PGM3: variants seen among roughly 807,000 people sequenced by gnomAD.
PGM3 encodes the protein phosphoglucomutase 3, also known as phosphoacetylglucosamine mutase.
PGM3 carries 40 observed loss-of-function variants against 66.2 expected under a neutral mutation model. The observed-to-expected ratio is 0.60, with a 90% CI of 0.47 to 0.79. PGM3 has a LOEUF of 0.79. PGM3 is among the 30% of genes least tolerant of loss of function. PGM3 has a pLI of 0.00. For missense variants in PGM3, 537 were observed against 643.4 expected, an observed-to-expected ratio of 0.83 and a Z score of 1.79; for synonymous variants, 191 against 224.2, an observed-to-expected ratio of 0.85 and a Z score of 1.32.
chr6:83,155,413 A>T, the PGM3 span, among the ~76,000 whole-genome samples: 1 of 152,132 alleles, frequency 6.6e-6, no homozygotes, highest in Non-Finnish European at 1.5e-5. Context: ...GTGAGCCATG[A>T]TTGTGCCCAC....
At chr6:83,172,552 G>A (rs916369911) in intron 10 of PGM3, among the ~76,000 whole-genome samples, 17 of 151,968 alleles carry the variant, frequency 1.1e-4, no homozygotes, top group African/African-American at 3.6e-4. Context: ...CCATCTACTC[G>A]GGAGGCTGAG....
intron 2 of PGM3, among the ~76,000 whole-genome samples, chr6:83,189,700 C>T (rs914232445): frequency 4.6e-5 from 7 of 152,122 alleles, no homozygotes; most frequent in Admixed American, 3.3e-4. Context: ...TAAAGAATAA[C>T]TACATTGTGT....
chr6:83,161,505 A>G (rs898142920), downstream of PGM3, among the ~76,000 whole-genome samples: 3 of 152,208 alleles, frequency 2.0e-5, no homozygotes, highest in African/African-American at 7.2e-5. Context: ...TTCGATGTAT[A>G]TGACAAAAGT....
At chr6:83,152,620 CT>C in the PGM3 span, among the ~76,000 whole-genome samples, 208 of 133,834 alleles carry the variant, frequency 1.6e-3, no homozygotes, top group African/African-American at 1.9e-3. Context: ...TTTTCTTTTT[CT>C]TTTTTTTTTT....
intron 10 of PGM3, among the ~76,000 whole-genome samples, chr6:83,173,855 G>A (rs1787531530): frequency 6.6e-6 from 1 of 152,078 alleles, no homozygotes; most frequent in Middle Eastern, 3.2e-3. Context: ...TCCTGCCTCA[G>A]CCTCCCGAGT....
chr6:83,153,758 A>T, the PGM3 span: 1 of 1,170,460 alleles, frequency 8.5e-7, no homozygotes, highest in Non-Finnish European at 1.2e-6. Flanking sequence ...AAAAATTCAT[A>T]TATTATTTTT....
the PGM3 span, among the ~76,000 whole-genome samples, chr6:83,150,194 G>T: frequency 5.3e-5 from 8 of 152,164 alleles, no homozygotes; most frequent in African/African-American, 1.7e-4. Flanking sequence ...GGCAACATAG[G>T]GAGACTGTGT....
intron 7 of PGM3, 67 bp downstream of exon 7, chr6:83,179,743 T>C: frequency 1.6e-6 from 2 of 1,243,776 alleles, no homozygotes; most frequent in East Asian, 2.4e-5. Context: ...TGACAAATGA[T>C]TGTAAAATAT....
chr6:83,188,491 T>C (rs1788770780), intron 3 of PGM3, 123 bp downstream of exon 3: 3 of 723,710 alleles, frequency 4.1e-6, no homozygotes, highest in African/African-American at 3.5e-5. Flanking sequence ...GCCAGGCAGG[T>C]AGACATGCAA....
At chr6:83,183,131 TA>T (rs1788318845) in intron 4 of PGM3, among the ~76,000 whole-genome samples, 153 bp from the exon 5 acceptor site, 1 of 152,122 alleles carries the variant, frequency 6.6e-6, no homozygotes, top group Admixed American at 6.5e-5. Flanking sequence ...AAAAGAAATA[TA>T]AATGACTATA....
chr6:83,180,037 C>G (rs1788063004), intron 6 of PGM3, 70 bp from the exon 7 acceptor site: 2 of 1,202,358 alleles, frequency 1.7e-6, no homozygotes, highest in Non-Finnish European at 2.3e-6. Context: ...AGAATTTTCT[C>G]TTAAAATTAT....
intron 11 of PGM3, chr6:83,170,747 C>G (rs888892317): frequency 3.2e-5 from 9 of 285,478 alleles, no homozygotes; most frequent in Non-Finnish European, 5.9e-5. Context: ...ATGACTAAGT[C>G]CCATATCACA....
intron 11 of PGM3, 143 bp downstream of exon 11, chr6:83,171,794 C>G: frequency 1.5e-6 from 1 of 653,384 alleles, no homozygotes. Context: ...GCGCTTGGCC[C>G]ATAAGGCCTT....
chr6:83,168,412 GT>G lies in PGM3; in HGVS notation c.*821del. On this transcript the variant is annotated 3_prime_UTR_variant, in exon 13 of 13. Coordinates refer to ENST00000513973, the MANE Select transcript of PGM3 (RefSeq NM_015599.3). ...TATATATACACATGTAAAGTCCATT[GT>G]TTTTATTGTCCTGAGTTGTCTTAAA... 6 of 1,202,444 alleles carry G rather than the reference GT, an allele frequency of 5.0e-6. No individual in the cohort carries two copies. The South Asian group carries it at 1.6e-4, about 32-fold the overall frequency. The allele number at this position is 1,202,444 out of a possible 1,614,324, so 74.5% of individuals were successfully genotyped here.
rs545444504 is a variant in PGM3 at position 83,188,403 on chromosome 6, G to C, written c.389+211C>G. On this transcript the variant is annotated intron_variant, in intron 3 of 12. Transcript: ENST00000513973. ...ACATTATTCTGCAGCTTGGGTTTTG[G>C]AGTAGGGTTTTAAACCAGAGTCAGA... The C allele has an allele frequency of 4.5e-5, 21 of 463,834 alleles. 1 individual carries two copies. The highest frequency in any genetic ancestry group is 7.3e-5 in the Non-Finnish European group (19 of 261,236). The allele number at this position is 463,834 out of a possible 1,614,324, so 28.7% of individuals were successfully genotyped here.
chr6:83,179,703 G>T (rs954519044), intron 7 of PGM3, 107 bp downstream of exon 7: 2 of 833,454 alleles, frequency 2.4e-6, no homozygotes, highest in Non-Finnish European at 3.7e-6. Context: ...GCCCACTAAT[G>T]TAAAGAATTT....
In PGM3 at chr6:83,169,213, T is replaced by C. The variant is rs1363354696; in HGVS notation, c.*21A>G. 6.2e-7 allele frequency: 1 copy of C among 1,613,606 alleles called. No individual in the cohort carries two copies. The highest frequency in any genetic ancestry group is 1.7e-5 in the Admixed American group (1 of 59,988). ...AAAGACTTGTAAAAAGTCCAGTTTC[T>C]CAGGAATATGAAAATTATCTTCAGA... On this transcript the variant is annotated 3_prime_UTR_variant, in exon 13 of 13. Transcript: ENST00000513973.
intron 6 of PGM3, among the ~76,000 whole-genome samples, chr6:83,180,361 A>G (rs956807661): frequency 6.6e-6 from 1 of 152,252 alleles, no homozygotes; most frequent in Admixed American, 6.5e-5. Flanking sequence ...TAATTCTAAC[A>G]GAAATGATTT....
rs1438765234 is a variant in PGM3 at position 83,168,967 on chromosome 6, TAC to T, written c.*265_*266del. The T allele has an allele frequency of 1.6e-5, 19 of 1,208,068 alleles. No homozygotes were observed. In the East Asian group the frequency reaches 6.1e-4, roughly 39 times the overall value. 74.8% of individuals were successfully genotyped at this position (1,208,068 alleles called of 1,614,324 possible). On this transcript the variant is annotated 3_prime_UTR_variant, in exon 13 of 13. Coordinates refer to ENST00000513973, the MANE Select transcript of PGM3 (RefSeq NM_015599.3). ...ATGAATTGTTCCCCACATAAAACTG[TAC>T]AGTTAGTGACTGAATTGTATACTTA...
Sources: allele counts gnomAD v4.1 joint callset (sites outside exome capture counted in the v4.1 genomes callset), GRCh38; gene constraint gnomAD v4.1.1; transcripts MANE v1.5; gene names NCBI Gene and HGNC (gene_info 2026-07-23, HGNC 2026-07-21).